LHFPL6: variants seen among roughly 807,000 people sequenced by gnomAD.
The protein encoded by LHFPL6 is LHFPL tetraspan subfamily member 6 protein.
LHFPL6 carries 9 observed loss-of-function variants against 20.6 expected under a neutral mutation model. The ratio of observed to expected loss-of-function variants is 0.44; its 90% CI spans 0.26 to 0.76. The LOEUF is 0.76. Among genes scored for constraint, LHFPL6 ranks in the 30% least tolerant of loss-of-function variants. LHFPL6 has a pLI of 0.20. For missense variants in LHFPL6, 218 were observed against 253.5 expected, an observed-to-expected ratio of 0.86 and a Z score of 0.95; for synonymous variants, 105 against 98.7, an observed-to-expected ratio of 1.06 and a Z score of -0.38.
At chr13:39,511,428 T>C (rs1280610512) in intron 2 of LHFPL6, among the ~76,000 whole-genome samples, 7 of 151,414 alleles carry the variant, frequency 4.6e-5, no homozygotes, top group African/African-American at 1.5e-4. Flanking sequence ...AATCACAGCA[T>C]TCTTTGTTCC....
At chr13:39,447,493 G>C (rs1286756915) in intron 2 of LHFPL6, among the ~76,000 whole-genome samples, 1 of 152,150 alleles carries the variant, frequency 6.6e-6, no homozygotes, top group African/African-American at 2.4e-5. Context: ...TTGAGTTGGA[G>C]AGTACTCCAT....
rs540311348 is a variant in LHFPL6, at chr13:39,405,807, G to A, written c.386-27281C>T. On this transcript the variant is annotated intron_variant, in intron 2 of 3. Transcript: ENST00000379589. ...ACGCATAAATTCTAGGGAGCTCCAGGGTGAAAACAGGCATGTGGTAAAAGT... is the reference window on the plus strand; with the variant it reads ...ACGCATAAATTCTAGGGAGCTCCAGAGTGAAAACAGGCATGTGGTAAAAGT... 7.6e-4 allele frequency among the ~76,000 whole-genome samples: 116 copies of A among 152,270 alleles called. 1 individual carries two copies. The highest frequency in any genetic ancestry group is 2.7e-3 in the African/African-American group (114 of 41,562).
At chr13:39,426,646 TGCACCA>T (rs1164201203) in intron 2 of LHFPL6, among the ~76,000 whole-genome samples, 2 of 152,356 alleles carry the variant, frequency 1.3e-5, no homozygotes, top group South Asian at 2.1e-4. Context: ...TCACCCACGG[TGCACCA>T]CATATTAAAA....
At chr13:39,393,532 G>A (rs1293172653) in intron 2 of LHFPL6, among the ~76,000 whole-genome samples, 1 of 152,082 alleles carries the variant, frequency 6.6e-6, no homozygotes, top group Non-Finnish European at 1.5e-5. Context: ...TGGGAGATGG[G>A]GAGGCACAAA....
intron 2 of LHFPL6, among the ~76,000 whole-genome samples, chr13:39,438,195 G>A (rs73175120): frequency 0.14 from 21,987 of 152,138 alleles, 1,708 homozygotes; most frequent in South Asian, 0.22. Context: ...CTTTTGCTAC[G>A]CTTTAGCACA....
At chr13:39,495,238 C>G (rs1019416893) in intron 2 of LHFPL6, among the ~76,000 whole-genome samples, 5 of 152,128 alleles carry the variant, frequency 3.3e-5, no homozygotes, top group African/African-American at 1.2e-4. Context: ...TGAAAATATG[C>G]CTCAAATTAA....
Position 39,453,097 on chromosome 13 carries a change from T to C in LHFPL6, c.386-74571A>G, listed in dbSNP as rs564275948. Among the ~76,000 whole-genome samples the C allele has an allele frequency of 4.6e-5, 7 of 152,298 alleles. No individual in the cohort carries two copies. The South Asian group carries it at 1.0e-3, about 23-fold the overall frequency. ...CCTGCTGACTTCACTCACCTGCATA[T>C]ACCAGACAGAAGAACACAGAAGGCC... On this transcript the variant is annotated intron_variant, in intron 2 of 3. Transcript: ENST00000379589.
chr13:39,437,162 C>G (rs1871980333), intron 2 of LHFPL6, among the ~76,000 whole-genome samples: 1 of 152,048 alleles, frequency 6.6e-6, no homozygotes, highest in Admixed American at 6.6e-5. Flanking sequence ...TAGATTTTAC[C>G]TCTCCATTTA....
At chr13:39,594,169 G>A (rs534785170) in intron 2 of LHFPL6, among the ~76,000 whole-genome samples, 1 of 152,304 alleles carries the variant, frequency 6.6e-6, no homozygotes, top group East Asian at 1.9e-4. Context: ...TACCATCAGA[G>A]TGAACAGGCA....
At chr13:39,460,874 G>A (rs1407541718) in intron 2 of LHFPL6, among the ~76,000 whole-genome samples, 1 of 152,074 alleles carries the variant, frequency 6.6e-6, no homozygotes, top group African/African-American at 2.4e-5. Flanking sequence ...GCATGTGCAG[G>A]TTTGTTACAT....
chr13:39,423,422 C>CT lies in LHFPL6; in HGVS notation c.386-44897dup, dbSNP rs562533121. 3.2e-3 allele frequency among the ~76,000 whole-genome samples: 465 copies of CT among 146,716 alleles called. 6 individuals are homozygous for CT. The South Asian group carries it at 0.039, about 12-fold the overall frequency. On this transcript the variant is annotated intron_variant, in intron 2 of 3. Coordinates refer to ENST00000379589, the MANE Select transcript of LHFPL6 (RefSeq NM_005780.3). ...ACTCAGCTTGGGGAAAGAAAGGCTTCTTTTTTTTTTTATTTTTTGAGATGA... is the reference window on the plus strand; with the variant it reads ...ACTCAGCTTGGGGAAAGAAAGGCTTCTTTTTTTTTTTTATTTTTTGAGATGA...
At chr13:39,590,894 T>C (rs575049477) in intron 2 of LHFPL6, among the ~76,000 whole-genome samples, 4 of 152,338 alleles carry the variant, frequency 2.6e-5, no homozygotes, top group Admixed American at 1.3e-4. Context: ...TAATCCATAC[T>C]GACCATGGCC....
At chr13:39,479,967 C>T (rs964224783) in intron 2 of LHFPL6, among the ~76,000 whole-genome samples, 4 of 152,166 alleles carry the variant, frequency 2.6e-5, no homozygotes, top group African/African-American at 4.8e-5. Context: ...TATTTCATAG[C>T]GCGACTTCTT....
chr13:39,415,917 C>T (rs944398606), intron 2 of LHFPL6, among the ~76,000 whole-genome samples: 1 of 152,188 alleles, frequency 6.6e-6, no homozygotes, highest in Non-Finnish European at 1.5e-5. Flanking sequence ...CTTGAGTAGA[C>T]ATTTGATGCT....
At chr13:39,527,179 T>G (rs1870316428) in intron 2 of LHFPL6, among the ~76,000 whole-genome samples, 1 of 152,230 alleles carries the variant, frequency 6.6e-6, no homozygotes, top group South Asian at 2.1e-4. Context: ...TTTTCCTTTG[T>G]CCAGTCATAA....
intron 2 of LHFPL6, among the ~76,000 whole-genome samples, chr13:39,445,624 T>C (rs1041513755): frequency 6.6e-6 from 1 of 152,242 alleles, no homozygotes; most frequent in African/African-American, 2.4e-5. Flanking sequence ...TATCTAATGT[T>C]TGCTTTTCAT....
At chr13:39,556,703 C>A (rs1237248995) in intron 2 of LHFPL6, among the ~76,000 whole-genome samples, 2 of 152,150 alleles carry the variant, frequency 1.3e-5, no homozygotes, top group Non-Finnish European at 2.9e-5. Context: ...GTGGCTCATG[C>A]TATAAACCCA....
At chr13:39,565,468 A>G (rs1343619824) in intron 2 of LHFPL6, among the ~76,000 whole-genome samples, 1 of 152,220 alleles carries the variant, frequency 6.6e-6, no homozygotes, top group Non-Finnish European at 1.5e-5. Context: ...TTAAAATAAG[A>G]TGGAATGTTG....
chr13:39,544,362 G>A (rs4545673), intron 2 of LHFPL6, among the ~76,000 whole-genome samples: 5 of 152,108 alleles, frequency 3.3e-5, no homozygotes, highest in Non-Finnish European at 5.9e-5. Flanking sequence ...TTTCTAGCTC[G>A]TACAATGCTA....
Sources: allele counts gnomAD v4.1 joint callset (sites outside exome capture counted in the v4.1 genomes callset), GRCh38; gene constraint gnomAD v4.1.1; transcripts MANE v1.5; gene names NCBI Gene and HGNC (gene_info 2026-07-23, HGNC 2026-07-21).